Variants in HMGN5 observed in about 807,000 individuals in gnomAD.
The protein encoded by HMGN5 is high mobility group nucleosome binding domain 5.
Under a neutral mutation model 9.5 loss-of-function variants are expected in HMGN5, and 4 were observed. The observed-to-expected ratio is 0.42, with a 90% confidence interval of 0.21 to 0.96. HMGN5 has a LOEUF of 0.96. HMGN5 is among the 40% of genes least tolerant of loss of function. The pLI, the probability that HMGN5 is intolerant of heterozygous loss-of-function variation, is 0.30. For missense variants in HMGN5, 192 were observed against 187.5 expected (o/e 1.02, Z -0.14); for synonymous variants, 55 against 57.1 (o/e 0.96, Z 0.16).
chrX:81,152,345 G>C (rs2075365832), intron 1 of HMGN5, among the ~76,000 whole-genome samples: 1 of 111,740 alleles, frequency 8.9e-6, no homozygotes, highest in Non-Finnish European at 1.9e-5. Flanking sequence ...GATATGAACA[G>C]ACACTTCTCA....
intron 1 of HMGN5, among the ~76,000 whole-genome samples, chrX:81,131,147 A>G (rs984244542): frequency 1.8e-5 from 2 of 111,882 alleles, no homozygotes; most frequent in African/African-American, 6.5e-5. Flanking sequence ...GAAAACAAAT[A>G]CATAACTATT....
At chrX:81,159,191 C>T (rs974399644) in intron 1 of HMGN5, among the ~76,000 whole-genome samples, 2 of 110,946 alleles carry the variant, frequency 1.8e-5, no homozygotes, top group Admixed American at 1.9e-4. Flanking sequence ...AATGGAAACA[C>T]ATGAGCACAG....
rs1405011504 is a variant in HMGN5 at position 81,118,546 on chromosome X, C to T, written c.76-61G>A. On this transcript the variant is annotated intron_variant, in intron 4 of 6. Coordinates refer to ENST00000358130, the MANE Select transcript of HMGN5 (RefSeq NM_030763.3). The stretch of plus-strand genomic sequence containing the variant: ...AAAAATCATATTTGAAGAAAGAACG[C>T]TAAAAATGAAATCCAACCTCTGAAT... 4 of 960,647 alleles carry T rather than the reference C, an allele frequency of 4.2e-6. No individual in the cohort carries two copies. In the South Asian group the frequency reaches 6.5e-5, roughly 16 times the overall value. The allele number at this position is 960,647 out of a possible 1,213,427, so 79.2% of individuals were successfully genotyped here.
chrX:81,179,229 G>C (rs1354236289), intron 1 of HMGN5, among the ~76,000 whole-genome samples: 1 of 111,633 alleles, frequency 9.0e-6, no homozygotes, highest in Non-Finnish European at 1.9e-5. Context: ...AAGAAATAAA[G>C]TGTATTCGAT....
At chrX:81,153,226 A>C (rs2075369852) in intron 1 of HMGN5, among the ~76,000 whole-genome samples, 1 of 108,592 alleles carries the variant, frequency 9.2e-6, no homozygotes, top group African/African-American at 3.3e-5. Context: ...AAAATCCTCA[A>C]CGAAATACTT....
chrX:81,194,235 A>T (rs1018039485), intron 1 of HMGN5, among the ~76,000 whole-genome samples: 1 of 111,942 alleles, frequency 8.9e-6, no homozygotes, highest in African/African-American at 3.2e-5. Flanking sequence ...TAAATGTAAG[A>T]TAACATTTTC....
At chrX:81,200,604 A>G (rs2075523249) in intron 1 of HMGN5, among the ~76,000 whole-genome samples, 1 of 111,814 alleles carries the variant, frequency 8.9e-6, no homozygotes, top group Non-Finnish European at 1.9e-5. Flanking sequence ...AACTATCACA[A>G]GGACAGAAAA....
chrX:81,160,698 A>G (rs2147571485), intron 1 of HMGN5, among the ~76,000 whole-genome samples: 1 of 111,567 alleles, frequency 9.0e-6, no homozygotes, highest in South Asian at 3.7e-4. Context: ...AAAGGACATG[A>G]TCTCATTCTT....
intron 1 of HMGN5, among the ~76,000 whole-genome samples, chrX:81,173,624 C>A (rs764720196): frequency 8.0e-5 from 9 of 111,965 alleles, no homozygotes; most frequent in Admixed American, 3.8e-4. Flanking sequence ...TGTGCTTCCA[C>A]GCTATTTTGT....
chrX:81,155,075 GTATATATATATATA>G (rs761895749), intron 1 of HMGN5, among the ~76,000 whole-genome samples: 2 of 68,982 alleles, frequency 2.9e-5, no homozygotes, highest in Non-Finnish European at 5.5e-5. Context: ...GTATATATCA[GTATATATATATATA>G]TATATATATA....
At chrX:81,139,095 T>TGTAGACATAGACATAAAC (rs1304910424) in intron 1 of HMGN5, among the ~76,000 whole-genome samples, 3 of 112,314 alleles carry the variant, frequency 2.7e-5, no homozygotes, top group African/African-American at 9.7e-5. Flanking sequence ...TTCAAGCTTT[T>TGTAGACATAGACATAAAC]GTAGACATAG....
At position 81,170,731 on chromosome X, in the gene HMGN5, T is replaced by C. The variant is rs765965714; in HGVS notation, c.-124+31006A>G. On this transcript the variant is annotated intron_variant, in intron 1 of 6. Coordinates refer to ENST00000358130, the MANE Select transcript of HMGN5 (RefSeq NM_030763.3). ...ATAGGAAACGCTAACATATCTCAAA[T>C]TCCCCACTCTATTATCATTAGTAAT... Among the ~76,000 whole-genome samples the C allele has an allele frequency of 3.6e-5, 4 of 111,370 alleles. No individual in the cohort carries two copies. The South Asian group carries it at 1.5e-3, about 42-fold the overall frequency.
At chrX:81,167,262 T>G (rs1175150520) in intron 1 of HMGN5, among the ~76,000 whole-genome samples, 1 of 111,172 alleles carries the variant, frequency 9.0e-6, no homozygotes, top group East Asian at 2.8e-4. Context: ...TCAGCTATGT[T>G]GCCTTGCATA....
At position 81,115,169 on chromosome X, in the gene HMGN5, T is replaced by C. The variant is rs143679569; in HGVS notation, c.329A>G (p.Glu110Gly). ...TGCTTCTTTCTTTTCTCCTCCCTTTTCTGTGGCATCTTCAATATTTTCTTC... is the reference window on the plus strand; with the variant it reads ...TGCTTCTTTCTTTTCTCCTCCCTTTCCTGTGGCATCTTCAATATTTTCTTC... ...VKEENIEDAT[E>G]KGGEKKEAVA... The change falls in exon 7 of 7, where the codon GAA (glutamate) becomes GGA (glycine). Residue 110 changes from glutamate (E) to glycine (G), a missense_variant. By Grantham distance (98) the Glu-to-Gly change is moderately conservative (BLOSUM62 -2). Coordinates refer to ENST00000358130, the MANE Select transcript of HMGN5 (RefSeq NM_030763.3). The C allele has an allele frequency of 3.4e-6, 4 of 1,171,784 alleles. No individual in the cohort carries two copies. In the African/African-American group the frequency reaches 7.2e-5, roughly 21 times the overall value.
Position 81,115,201 on chromosome X carries a change from T to C in HMGN5, c.297A>G (p.Glu99=). 8.5e-7 allele frequency: 1 copy of C among 1,176,006 alleles called. No homozygotes were observed. The highest frequency in any genetic ancestry group is 1.1e-6 in the Non-Finnish European group (1 of 881,229). ...CATCTTCAATATTTTCTTCTTTTAC[T>C]TCCACAATTTCTTTTTCAGAAGCTG... ...EAPASEKEIV[E]VKEENIEDAT... The change falls in exon 7 of 7, where the codon GAA becomes GAG. Residue 99 remains glutamate, a synonymous_variant. Coordinates refer to ENST00000358130, the MANE Select transcript of HMGN5 (RefSeq NM_030763.3).
intron 1 of HMGN5, among the ~76,000 whole-genome samples, chrX:81,138,016 C>G (rs894781822): frequency 8.9e-6 from 1 of 111,838 alleles, no homozygotes; most frequent in Non-Finnish European, 1.9e-5. Flanking sequence ...ATCCCTGCTA[C>G]TAAACACTTA....
At chrX:81,125,222 C>T (rs895275006) in intron 1 of HMGN5, among the ~76,000 whole-genome samples, 1 of 109,945 alleles carries the variant, frequency 9.1e-6, no homozygotes, top group East Asian at 2.8e-4. Flanking sequence ...TGACCTCATG[C>T]AACACCATTA....
intron 1 of HMGN5, among the ~76,000 whole-genome samples, chrX:81,139,100 A>G (rs900736554): frequency 2.7e-5 from 3 of 112,330 alleles, no homozygotes; most frequent in Non-Finnish European, 5.6e-5. Context: ...GCTTTTGTAG[A>G]CATAGACATA....
chrX:81,196,288 T>C (rs1329777954), intron 1 of HMGN5, among the ~76,000 whole-genome samples: 2 of 110,485 alleles, frequency 1.8e-5, no homozygotes, highest in Non-Finnish European at 3.8e-5. Context: ...TTGAGTGATG[T>C]TGTTGGTTCT....
Sources: allele counts gnomAD v4.1 joint callset (sites outside exome capture counted in the v4.1 genomes callset), GRCh38; gene constraint gnomAD v4.1.1; transcripts MANE v1.5; gene names NCBI Gene and HGNC (gene_info 2026-07-23, HGNC 2026-07-21).